The following RORB variants were observed in gnomAD, a reference collection of about 807,000 sequenced individuals.
RORB encodes RAR related orphan receptor B.
A neutral mutation model predicts 59.1 loss-of-function variants in RORB; 6 were observed. The observed-to-expected ratio is 0.10, with a 90% CI of 0.06 to 0.20. The LOEUF is 0.20. RORB is among the 10% of genes least tolerant of loss of function. The probability of loss-of-function intolerance (pLI) is 1.00; values close to 1 mark genes in which losing one functional copy is unlikely to be tolerated. For missense variants in RORB, 320 were observed against 560.5 expected, an observed-to-expected ratio of 0.57 and a Z score of 4.33; for synonymous variants, 215 against 204.5, an observed-to-expected ratio of 1.05 and a Z score of -0.44.
chr9:74,520,450 C>A (rs77532704), intron 1 of RORB, among the ~76,000 whole-genome samples: 112 of 151,934 alleles, frequency 7.4e-4, no homozygotes, highest in East Asian at 5.6e-3. Context: ...GATCGTTTAC[C>A]TACTCCTCTT....
intron 1 of RORB, among the ~76,000 whole-genome samples, chr9:74,609,264 T>A (rs1255911023): frequency 6.6e-6 from 1 of 152,210 alleles, no homozygotes; most frequent in Admixed American, 6.5e-5. Flanking sequence ...GGGCTGTAAC[T>A]TCCCAACACT....
intron 1 of RORB, among the ~76,000 whole-genome samples, chr9:74,546,964 C>T (rs956651686): frequency 6.6e-6 from 1 of 152,014 alleles, no homozygotes; most frequent in Admixed American, 6.5e-5. Flanking sequence ...CATGGTGGCG[C>T]GTGCCTGTAG....
intron 1 of RORB, among the ~76,000 whole-genome samples, chr9:74,586,808 T>A (rs1822807886): frequency 6.6e-6 from 1 of 152,184 alleles, no homozygotes; most frequent in Admixed American, 6.5e-5. Context: ...CCAGTATCAC[T>A]CAGGAGGTCA....
intron 1 of RORB, among the ~76,000 whole-genome samples, chr9:74,544,954 C>T (rs756009272): frequency 3.3e-5 from 5 of 152,174 alleles, no homozygotes; most frequent in African/African-American, 4.8e-5. Flanking sequence ...CTCTTGGAGG[C>T]TCATTCACTT....
At chr9:74,570,000 A>G (rs1240086506) in intron 1 of RORB, among the ~76,000 whole-genome samples, 1 of 152,062 alleles carries the variant, frequency 6.6e-6, no homozygotes, top group Non-Finnish European at 1.5e-5. Context: ...CAGCATATCC[A>G]TTTTAACAAT....
At chr9:74,561,462 T>C (rs564896167) in intron 1 of RORB, among the ~76,000 whole-genome samples, 1 of 152,314 alleles carries the variant, frequency 6.6e-6, no homozygotes, top group Non-Finnish European at 1.5e-5. Context: ...AAATCTTTTA[T>C]TTCTAGTATA....
At chr9:74,540,003 T>C (rs1290675104) in intron 1 of RORB, among the ~76,000 whole-genome samples, 1 of 152,064 alleles carries the variant, frequency 6.6e-6, no homozygotes, top group Non-Finnish European at 1.5e-5. Context: ...TTTATTTGAA[T>C]GAAAAGATTT....
intron 9 of RORB, among the ~76,000 whole-genome samples, chr9:74,676,170 G>A (rs548321048): frequency 6.6e-6 from 1 of 152,338 alleles, no homozygotes; most frequent in East Asian, 1.9e-4. Context: ...CTACAGGTCA[G>A]GCCCATAGCT....
At chr9:74,597,013 A>G (rs1822979121) in intron 1 of RORB, among the ~76,000 whole-genome samples, 1 of 152,180 alleles carries the variant, frequency 6.6e-6, no homozygotes, top group Non-Finnish European at 1.5e-5. Flanking sequence ...AGCCCTAGGG[A>G]AAATAAGACT....
chr9:74,634,906 G>T (rs1429450178), intron 3 of RORB, 134 bp downstream of exon 3: 1 of 771,492 alleles, frequency 1.3e-6, no homozygotes, highest in Admixed American at 3.0e-5. Context: ...TGTGCTGCTA[G>T]TGCATTACAA....
intron 1 of RORB, among the ~76,000 whole-genome samples, chr9:74,578,584 T>A (rs1242096937): frequency 1.3e-5 from 2 of 152,150 alleles, no homozygotes; most frequent in Non-Finnish European, 2.9e-5. Flanking sequence ...GACGACCAAG[T>A]GATACAGTTG....
Position 74,634,759 on chromosome 9 carries a change from A to G in RORB, c.222A>G (p.Gly74=). The change falls in exon 3 of 10, where the codon GGA becomes GGG. Residue 74 remains glycine (G), a synonymous_variant. Coordinates refer to ENST00000376896, the MANE Select transcript of RORB (RefSeq NM_006914.4). The part of the protein sequence containing the change: ...HCRLQKCLAL[G]MSRDAVKFGR... ...GACTGCAGAAGTGTCTTGCCCTAGGAATGTCAAGAGATGGTAAGACATTAC... is the reference window on the plus strand; with the variant it reads ...GACTGCAGAAGTGTCTTGCCCTAGGGATGTCAAGAGATGGTAAGACATTAC... The G allele has an allele frequency of 6.2e-7, 1 of 1,612,612 alleles. No individual in the cohort carries two copies. The highest frequency in any genetic ancestry group is 8.5e-7 in the Non-Finnish European group (1 of 1,179,280).
chr9:74,511,330 A>T (rs1368822296), intron 1 of RORB, among the ~76,000 whole-genome samples: 6 of 152,224 alleles, frequency 3.9e-5, no homozygotes, highest in Non-Finnish European at 7.3e-5. Context: ...TGTATGTACT[A>T]TATGATTTAA....
At chr9:74,665,720 C>T (rs1355366646) in intron 7 of RORB, 125 bp downstream of exon 7, 8 of 630,980 alleles carry the variant, frequency 1.3e-5, no homozygotes, top group Non-Finnish European at 2.3e-5. Flanking sequence ...ATTCGATAAG[C>T]GATGGACCAG....
chr9:74,531,700 A>AT (rs1191201512), intron 1 of RORB, among the ~76,000 whole-genome samples: 2 of 151,970 alleles, frequency 1.3e-5, no homozygotes, highest in Non-Finnish European at 2.9e-5. Flanking sequence ...TAAGCCCTAC[A>AT]TTTTTTAATG....
chr9:74,582,848 G>T (rs1822744617), intron 1 of RORB, among the ~76,000 whole-genome samples: 1 of 152,134 alleles, frequency 6.6e-6, no homozygotes, highest in African/African-American at 2.4e-5. Context: ...AACAGTAGTA[G>T]GATCTGAGTA....
chr9:74,559,103 G>A (rs372555528), intron 1 of RORB, among the ~76,000 whole-genome samples: 5 of 152,096 alleles, frequency 3.3e-5, no homozygotes, highest in African/African-American at 7.2e-5. Flanking sequence ...TCCAAACTCC[G>A]TGCATACGAT....
chr9:74,500,884 C>T (rs1825795856), intron 1 of RORB, among the ~76,000 whole-genome samples: 1 of 151,834 alleles, frequency 6.6e-6, no homozygotes, highest in South Asian at 2.1e-4. Flanking sequence ...TATTTGGTGG[C>T]GCACAAAGCC....
intron 1 of RORB, among the ~76,000 whole-genome samples, chr9:74,599,740 G>T (rs930182211): frequency 6.6e-6 from 1 of 152,206 alleles, no homozygotes; most frequent in Non-Finnish European, 1.5e-5. Context: ...CTGAGTCGTG[G>T]CAGGGCCAGA....
Sources: gnomAD v4.1 joint callset for allele counts (sites outside exome capture counted in the v4.1 genomes callset) on GRCh38, gnomAD v4.1.1 for gene constraint, MANE v1.5 for transcripts, NCBI Gene and HGNC (gene_info 2026-07-23, HGNC 2026-07-21) for gene names.